DLG2: variants seen among roughly 807,000 people sequenced by gnomAD.
DLG2 encodes the protein discs large MAGUK scaffold protein 2.
Under a neutral mutation model 132.5 loss-of-function variants are expected in DLG2, and 45 were observed. That is an observed-to-expected ratio of 0.34 (90% CI 0.27 to 0.44). The LOEUF (loss-of-function observed/expected upper bound fraction) is 0.44, where lower values mean the gene tolerates loss of function less well. Ranked by LOEUF, DLG2 falls within the 20% of genes least tolerant of loss-of-function variation. The pLI is 1.00. For missense variants in DLG2, 1,045 were observed against 1,196.9 expected, an observed-to-expected ratio of 0.87 and a Z score of 1.87; for synonymous variants, 424 against 419.6, an observed-to-expected ratio of 1.01 and a Z score of -0.13.
intron 3 of DLG2, among the ~76,000 whole-genome samples, chr11:85,312,740 AAG>A (rs1285677979): frequency 6.6e-6 from 1 of 151,952 alleles, no homozygotes; most frequent in Non-Finnish European, 1.5e-5. Flanking sequence ...AAAATCACTC[AAG>A]ATCTTGTGAA....
chr11:83,981,003 CT>C (rs1040906931), intron 11 of DLG2, among the ~76,000 whole-genome samples: 1 of 152,110 alleles, frequency 6.6e-6, no homozygotes, highest in African/African-American at 2.4e-5. Flanking sequence ...AAGTATAGTC[CT>C]GCTCATTGTT....
In DLG2 at chr11:85,308,155, A is replaced by AAAAATAAAAT. The variant is rs747745832; in HGVS notation, c.41-22800_41-22791dup. On this transcript the variant is annotated intron_variant, in intron 3 of 27. Coordinates refer to ENST00000376104, the MANE Select transcript of DLG2 (RefSeq NM_001142699.3). ...GGTGACAGAGCGAGACTCTGTCTCA[A>AAAAATAAAAT]AAAATAAAATAAAATAAAATAAAAT... Among the ~76,000 whole-genome samples the AAAAATAAAAT allele has an allele frequency of 8.0e-3, 384 of 47,918 alleles. 9 individuals are homozygous for AAAAATAAAAT. Among genetic ancestry groups the AAAAATAAAAT allele is most frequent in the African/African-American group, 0.015 (225 of 15,476 alleles). 31.4% of individuals were successfully genotyped at this position (47,918 alleles called of 152,430 possible). A position where few individuals can be genotyped will look rare whatever the true frequency, so the allele number is the denominator to read the frequency against.
At chr11:84,044,647 T>C (rs1249924409) in intron 11 of DLG2, among the ~76,000 whole-genome samples, 1 of 151,776 alleles carries the variant, frequency 6.6e-6, no homozygotes, top group Admixed American at 6.6e-5. Flanking sequence ...TGCATCTAAT[T>C]GGAGAAATTT....
intron 3 of DLG2, among the ~76,000 whole-genome samples, chr11:85,523,745 A>C (rs1477460791): frequency 6.6e-6 from 1 of 152,238 alleles, no homozygotes; most frequent in Non-Finnish European, 1.5e-5. Context: ...ACCCAAAAGA[A>C]AGAAAATCAG....
At chr11:84,169,501 G>T (rs1427914874) in intron 8 of DLG2, among the ~76,000 whole-genome samples, 1 of 152,070 alleles carries the variant, frequency 6.6e-6, no homozygotes, top group African/African-American at 2.4e-5. Context: ...TCTTTTTCTT[G>T]AACCAATCTA....
chr11:84,394,510 C>T (rs1418363149), intron 7 of DLG2, among the ~76,000 whole-genome samples: 1 of 152,130 alleles, frequency 6.6e-6, no homozygotes, highest in Non-Finnish European at 1.5e-5. Context: ...TTCTCATTTT[C>T]ACCATGCTAT....
chr11:84,207,059 A>ATC (rs35772503), intron 8 of DLG2, among the ~76,000 whole-genome samples: 76 of 145,592 alleles, frequency 5.2e-4, no homozygotes, highest in South Asian at 8.9e-4. Context: ...ATAAGAATAA[A>ATC]TCTCTCTCTC....
At chr11:84,378,170 A>T (rs2098736509) in intron 7 of DLG2, among the ~76,000 whole-genome samples, 1 of 152,190 alleles carries the variant, frequency 6.6e-6, no homozygotes, top group South Asian at 2.1e-4. Context: ...AAATGAGGTC[A>T]TAAGGGTAGG....
intron 7 of DLG2, among the ~76,000 whole-genome samples, chr11:84,454,709 T>A (rs1001564089): frequency 5.3e-5 from 8 of 151,390 alleles, no homozygotes; most frequent in Non-Finnish European, 1.0e-4. Context: ...CTCCAAATAA[T>A]CCAGCTGAGA....
At chr11:83,553,179 T>A (rs753286320) in intron 19 of DLG2, among the ~76,000 whole-genome samples, 9 of 152,166 alleles carry the variant, frequency 5.9e-5, no homozygotes, top group Admixed American at 1.3e-4. Context: ...CCTCATCTTG[T>A]TTGGTCTCTT....
At chr11:85,059,389 A>G (rs1566757145) in intron 6 of DLG2, among the ~76,000 whole-genome samples, 1 of 151,564 alleles carries the variant, frequency 6.6e-6, no homozygotes, top group Non-Finnish European at 1.5e-5. Flanking sequence ...TGCTTATTCT[A>G]AGATCTAGCA....
At chr11:85,112,235 T>C (rs2072890283) in intron 5 of DLG2, among the ~76,000 whole-genome samples, 1 of 152,066 alleles carries the variant, frequency 6.6e-6, no homozygotes, top group Admixed American at 6.6e-5. Flanking sequence ...GGCCTTCTTA[T>C]CACATGAAAA....
At chr11:83,844,708 G>T (rs1257825409) in intron 16 of DLG2, among the ~76,000 whole-genome samples, 2 of 152,098 alleles carry the variant, frequency 1.3e-5, no homozygotes, top group African/African-American at 4.8e-5. Context: ...CTTCGCAATA[G>T]ATCTCCAGAG....
chr11:85,617,750 G>A (rs903058452), intron 2 of DLG2, among the ~76,000 whole-genome samples: 2 of 152,120 alleles, frequency 1.3e-5, no homozygotes, highest in African/African-American at 4.8e-5. Context: ...AACTTAATAG[G>A]TTTATTCCAA....
At chr11:85,405,805 G>A (rs2088670686) in intron 3 of DLG2, among the ~76,000 whole-genome samples, 1 of 151,888 alleles carries the variant, frequency 6.6e-6, no homozygotes, top group African/African-American at 2.4e-5. Flanking sequence ...TATAAAGAGA[G>A]GTGAAAGAAA....
At chr11:84,948,880 C>T (rs1398325388) in intron 6 of DLG2, among the ~76,000 whole-genome samples, 1 of 152,182 alleles carries the variant, frequency 6.6e-6, no homozygotes, top group Non-Finnish European at 1.5e-5. Context: ...GATTGCTGCA[C>T]AATTTAAATG....
At chr11:84,560,576 G>T (rs758008955) in intron 6 of DLG2, among the ~76,000 whole-genome samples, 33 of 152,210 alleles carry the variant, frequency 2.2e-4, no homozygotes, top group Middle Eastern at 3.4e-3. Flanking sequence ...GTTGAGAGAG[G>T]AGAGGGGTCT....
At chr11:84,986,752 G>C (rs1324225874) in intron 6 of DLG2, among the ~76,000 whole-genome samples, 2 of 152,044 alleles carry the variant, frequency 1.3e-5, no homozygotes, top group African/African-American at 4.8e-5. Context: ...AGCATACAAG[G>C]GACATATCTC....
intron 4 of DLG2, among the ~76,000 whole-genome samples, chr11:85,164,383 C>A (rs541478446): frequency 5.9e-5 from 9 of 152,226 alleles, no homozygotes; most frequent in African/African-American, 1.9e-4. Flanking sequence ...AGATTTACAA[C>A]CTTCCTACCT....
Sources: gnomAD v4.1 joint callset for allele counts (sites outside exome capture counted in the v4.1 genomes callset) on GRCh38, gnomAD v4.1.1 for gene constraint, MANE v1.5 for transcripts, NCBI Gene and HGNC (gene_info 2026-07-23, HGNC 2026-07-21) for gene names.